Variants in SNX30 observed in about 807,000 individuals in gnomAD.
The protein encoded by SNX30 is sorting nexin-30.
Under a neutral mutation model 46.4 loss-of-function variants are expected in SNX30, and 24 were observed. The ratio of observed to expected loss-of-function variants is 0.52; its 90% confidence interval spans 0.37 to 0.73. The LOEUF (loss-of-function observed/expected upper bound fraction) is 0.73, where lower values mean the gene tolerates loss of function less well. Among genes scored for constraint, SNX30 ranks in the 30% least tolerant of loss-of-function variants. The pLI is 0.00. For synonymous variants in SNX30, 189 were observed against 211.5 expected, an observed-to-expected ratio of 0.89 and a Z score of 0.92; for missense variants, 533 against 555.7, an observed-to-expected ratio of 0.96 and a Z score of 0.41.
intron 8 of SNX30, chr9:112,866,537 C>T (rs1259436875): frequency 8.5e-6 from 4 of 470,576 alleles, no homozygotes; most frequent in South Asian, 6.2e-5. Flanking sequence ...CCTGGAATGC[C>T]ACAGACCCCA....
At chr9:112,758,412 C>T (rs953658418) in intron 1 of SNX30, among the ~76,000 whole-genome samples, 9 of 152,208 alleles carry the variant, frequency 5.9e-5, no homozygotes, top group Admixed American at 1.3e-4. Flanking sequence ...TCGCTGCAAC[C>T]TCTGCCTCCT....
chr9:112,859,610 C>G (rs763430756), intron 7 of SNX30, among the ~76,000 whole-genome samples: 2 of 152,048 alleles, frequency 1.3e-5, no homozygotes, highest in Non-Finnish European at 2.9e-5. Context: ...ATGTTCTTAC[C>G]AACGCTTATC....
At chr9:112,778,355 C>G (rs1324145052) in intron 1 of SNX30, among the ~76,000 whole-genome samples, 2 of 151,096 alleles carry the variant, frequency 1.3e-5, no homozygotes, top group Admixed American at 1.3e-4. Flanking sequence ...TCACTGCAAC[C>G]TACGCCTCCC....
intron 7 of SNX30, among the ~76,000 whole-genome samples, chr9:112,853,424 C>G (rs1841066393): frequency 6.6e-6 from 1 of 152,218 alleles, no homozygotes; most frequent in Non-Finnish European, 1.5e-5. Context: ...CTGTGATCTT[C>G]TGGAACATGG....
chr9:112,795,048 A>G (rs749969530), intron 1 of SNX30, among the ~76,000 whole-genome samples: 1 of 152,206 alleles, frequency 6.6e-6, no homozygotes, highest in Non-Finnish European at 1.5e-5. Flanking sequence ...AAGAAAATAT[A>G]TTTGAGGCCC....
At chr9:112,755,051 A>G (rs1229348099) in intron 1 of SNX30, among the ~76,000 whole-genome samples, 1 of 152,156 alleles carries the variant, frequency 6.6e-6, no homozygotes, top group African/African-American at 2.4e-5. Context: ...TTTGATACAT[A>G]TTTGAGGGCC....
At chr9:112,771,249 C>T (rs963683038) in intron 1 of SNX30, among the ~76,000 whole-genome samples, 2 of 152,162 alleles carry the variant, frequency 1.3e-5, no homozygotes, top group African/African-American at 4.8e-5. Flanking sequence ...TTTGGTGACT[C>T]AATAAATGGA....
At chr9:112,787,726 G>A (rs1321920290) in intron 1 of SNX30, among the ~76,000 whole-genome samples, 1 of 151,702 alleles carries the variant, frequency 6.6e-6, no homozygotes, top group African/African-American at 2.4e-5. Flanking sequence ...CCCCCAAGGT[G>A]CCTATGGGTT....
At chr9:112,789,397 G>A (rs1258181797) in intron 1 of SNX30, among the ~76,000 whole-genome samples, 3 of 152,080 alleles carry the variant, frequency 2.0e-5, no homozygotes, top group African/African-American at 7.2e-5. Flanking sequence ...TTCTCAAGTT[G>A]CCCCCATCCA....
intron 1 of SNX30, among the ~76,000 whole-genome samples, chr9:112,785,971 T>C (rs1451039749): frequency 6.6e-6 from 1 of 152,218 alleles, no homozygotes; most frequent in Non-Finnish European, 1.5e-5. Context: ...GTTTTCTGTA[T>C]CATATGTGAA....
chr9:112,755,947 T>C (rs1839342288), intron 1 of SNX30, among the ~76,000 whole-genome samples: 1 of 152,174 alleles, frequency 6.6e-6, no homozygotes, highest in Non-Finnish European at 1.5e-5. Flanking sequence ...GTCAGGCGCC[T>C]AAACCAGTCT....
At chr9:112,819,111 T>C (rs1840450737) in intron 3 of SNX30, among the ~76,000 whole-genome samples, 1 of 152,180 alleles carries the variant, frequency 6.6e-6, no homozygotes. Flanking sequence ...AGAATTATTG[T>C]GAAGGTAGTA....
At chr9:112,829,421 G>C (rs974999591) in intron 3 of SNX30, among the ~76,000 whole-genome samples, 3 of 152,160 alleles carry the variant, frequency 2.0e-5, no homozygotes, top group Non-Finnish European at 4.4e-5. Flanking sequence ...ATAGGTGCAA[G>C]CCACCATGCC....
chr9:112,773,989 G>A (rs1463084317), intron 1 of SNX30, among the ~76,000 whole-genome samples: 2 of 152,194 alleles, frequency 1.3e-5, no homozygotes, highest in Non-Finnish European at 2.9e-5. Flanking sequence ...TGACCTGTTT[G>A]TCTTCAGAAG....
At position 112,847,898 on chromosome 9, in the gene SNX30, A is replaced by G. The variant is rs191262811; in HGVS notation, c.1015-2961A>G. On this transcript the variant is annotated intron_variant, in intron 6 of 8. Coordinates refer to ENST00000374232, the MANE Select transcript of SNX30 (RefSeq NM_001012994.2). ...CCATTCCTGTTTTATTTTTCCTCCT[A>G]ATGCCTAGAGTTACCTACTATATAT... Among the ~76,000 whole-genome samples, 201 of 152,122 alleles carry G rather than the reference A, an allele frequency of 1.3e-3. 1 individual carries two copies. Among genetic ancestry groups the G allele is most frequent in the African/African-American group, 4.6e-3 (189 of 41,492 alleles).
intron 8 of SNX30, among the ~76,000 whole-genome samples, chr9:112,865,535 T>C (rs1358330181): frequency 6.7e-6 from 1 of 150,370 alleles, no homozygotes; most frequent in Non-Finnish European, 1.5e-5. Flanking sequence ...GGAGGATGGC[T>C]TGAGCCAGGA....
Position 112,870,407 on chromosome 9 carries a change from C to T in SNX30, c.*1564C>T, listed in dbSNP as rs771474317. ...CACTTTTAACTGCAGGTCATCCTCG[C>T]ATCAGCCAAGGCTGTGGTGCTGTTG... is the stretch of plus-strand genomic sequence containing the variant. On this transcript the variant is annotated 3_prime_UTR_variant, in exon 9 of 9. Transcript: ENST00000374232. 2 of 152,256 alleles carry T rather than the reference C, an allele frequency of 1.3e-5. No individual in the cohort carries two copies. The highest frequency in any genetic ancestry group is 2.9e-5 in the Non-Finnish European group (2 of 68,056). The allele number at this position is 152,256 out of a possible 1,614,324, so 9.4% of individuals were successfully genotyped here. A position where few individuals can be genotyped will look rare whatever the true frequency, so the allele number is the denominator to read the frequency against.
chr9:112,841,081 A>G (rs1455637227), intron 6 of SNX30, among the ~76,000 whole-genome samples: 3 of 152,234 alleles, frequency 2.0e-5, no homozygotes, highest in Admixed American at 6.5e-5. Context: ...GTTCTTAAAA[A>G]TAAGTTTTTA....
rs539259543 is a variant in SNX30, at chr9:112,822,716, A to C, written c.459+4901A>C. ...CAGTTACCTGTAGACCAAAAATATGACATGGAAAATTCCAAAAATAAACAG... is the reference window on the plus strand; with the variant it reads ...CAGTTACCTGTAGACCAAAAATATGCCATGGAAAATTCCAAAAATAAACAG... On this transcript the variant is annotated intron_variant, in intron 3 of 8. Coordinates refer to ENST00000374232, the MANE Select transcript of SNX30 (RefSeq NM_001012994.2). Among the ~76,000 whole-genome samples the C allele has an allele frequency of 2.8e-4, 43 of 152,266 alleles. No individual in the cohort carries two copies. In the East Asian group the frequency reaches 6.6e-3, roughly 23 times the overall value.
Sources: allele counts gnomAD v4.1 joint callset (sites outside exome capture counted in the v4.1 genomes callset), GRCh38; gene constraint gnomAD v4.1.1; transcripts MANE v1.5; gene names NCBI Gene and HGNC (gene_info 2026-07-23, HGNC 2026-07-21).